Variants in SCN9A observed in about 807,000 individuals in gnomAD.
The protein encoded by SCN9A is sodium channel protein type 9 subunit alpha.
SCN9A carries 131 observed loss-of-function variants against 187.0 expected under a neutral mutation model. The ratio of observed to expected loss-of-function variants is 0.70; its 90% CI spans 0.61 to 0.81. The LOEUF (loss-of-function observed/expected upper bound fraction) is 0.81. Among genes scored for constraint, SCN9A ranks in the 30% least tolerant of loss-of-function variants. SCN9A has a pLI of 0.00. For missense variants in SCN9A, 2,252 were observed against 2,396.6 expected, an observed-to-expected ratio of 0.94 and a Z score of 1.26; for synonymous variants, 809 against 808.6, an observed-to-expected ratio of 1.00 and a Z score of -0.01.
At position 166,284,762 on chromosome 2, in the gene SCN9A, A is replaced by G. The variant is rs752038517; in HGVS notation, c.1665T>C (p.Phe555=). 3 of 1,613,770 alleles carry G rather than the reference A, an allele frequency of 1.9e-6. No homozygotes were observed. The highest frequency in any genetic ancestry group is 8.5e-7 in the Non-Finnish European group (1 of 1,179,862). The change falls in exon 12 of 27, where the codon TTT becomes TTC. Residue 555 remains phenylalanine (F), a synonymous_variant. Coordinates refer to ENST00000642356, the MANE Select transcript of SCN9A (RefSeq NM_001365536.1). ...TATCTCTTCCTCTGCCTTTGAAACTAAAAAGACTTGTTCTGCTGCTTCGCC... is the reference window on the plus strand; with the variant it reads ...TATCTCTTCCTCTGCCTTTGAAACTGAAAAGACTTGTTCTGCTGCTTCGCC... The part of the protein sequence containing the change: ...SARRSSRTSL[F]SFKGRGRDIG...
Position 166,344,966 on chromosome 2 carries a change from A to G in SCN9A, c.-51+30731T>C, listed in dbSNP as rs1265924658. 2.6e-5 allele frequency among the ~76,000 whole-genome samples: 4 copies of G among 152,316 alleles called. No individual in the cohort carries two copies. In the East Asian group the frequency reaches 7.7e-4, roughly 29 times the overall value. ...CAGAAGCTTTTTCTCGAGGAACTAA[A>G]TGGAAGCTTTGACTACATTTCAGAC... On this transcript the variant is annotated intron_variant, in intron 1 of 26. Transcript: ENST00000642356.
chr2:166,339,412 T>A (rs1329508828), intron 1 of SCN9A, among the ~76,000 whole-genome samples: 1 of 152,132 alleles, frequency 6.6e-6, no homozygotes, highest in Non-Finnish European at 1.5e-5. Context: ...AATTTTTAAT[T>A]TAGATCTTAC....
chr2:166,237,272 G>C (rs1194224268), intron 20 of SCN9A, among the ~76,000 whole-genome samples: 1 of 151,612 alleles, frequency 6.6e-6, no homozygotes, highest in African/African-American at 2.4e-5. Context: ...CTATTTGAGA[G>C]TCCTTGATCT....
intron 1 of SCN9A, among the ~76,000 whole-genome samples, chr2:166,361,422 C>A (rs1700282581): frequency 6.6e-6 from 1 of 152,006 alleles, no homozygotes; most frequent in Admixed American, 6.6e-5. Context: ...GACTACATTG[C>A]CTTCTACCAA....
intron 14 of SCN9A, 92 bp from the exon 15 acceptor site, chr2:166,278,405 G>A (rs1697333498): frequency 1.9e-6 from 2 of 1,051,766 alleles, no homozygotes; most frequent in African/African-American, 3.3e-5. Flanking sequence ...CATTTACTGT[G>A]TTCCAGACAG....
chr2:166,221,531 G>A lies in SCN9A; in HGVS notation c.4398+5036C>T, dbSNP rs568481386. Among the ~76,000 whole-genome samples, 143 of 152,148 alleles carry A rather than the reference G, an allele frequency of 9.4e-4. 1 individual carries two copies. In the Middle Eastern group the frequency reaches 0.01, roughly 11 times the overall value. On this transcript the variant is annotated intron_variant, in intron 24 of 26. Transcript: ENST00000642356. ...TCCTCCCACCTCAGGCTCCTAAGTA[G>A]CTAGGACTATAGGTGTGTGCCATCA...
chr2:166,367,437 AT>A (rs976397258), intron 1 of SCN9A, among the ~76,000 whole-genome samples: 2 of 150,888 alleles, frequency 1.3e-5, no homozygotes, highest in Admixed American at 6.6e-5. Flanking sequence ...TAGTTTTTGT[AT>A]TTTTTTTAGT....
intron 18 of SCN9A, among the ~76,000 whole-genome samples, chr2:166,249,909 C>A (rs1221772588): frequency 6.6e-6 from 1 of 152,008 alleles, no homozygotes; most frequent in East Asian, 1.9e-4. Context: ...AGCATCAATA[C>A]AAATTTAAGT....
In SCN9A at chr2:166,261,002, A is replaced by G. The variant is rs370572584; in HGVS notation, c.3352-9117T>C. Among the ~76,000 whole-genome samples the G allele has an allele frequency of 1.1e-4, 17 of 151,940 alleles. No homozygotes were observed. In the South Asian group the frequency reaches 2.9e-3, roughly 26 times the overall value. On this transcript the variant is annotated intron_variant, in intron 17 of 26. Coordinates refer to ENST00000642356, the MANE Select transcript of SCN9A (RefSeq NM_001365536.1). ...ATTTTCATATATATTTTCTAATTCA[A>G]TAAGTAAAAATTAACTTTTGTTTTT...
At chr2:166,340,013 G>A (rs990720334) in intron 1 of SCN9A, among the ~76,000 whole-genome samples, 2 of 152,126 alleles carry the variant, frequency 1.3e-5, no homozygotes, top group African/African-American at 2.4e-5. Flanking sequence ...CGGGTAGTCT[G>A]TTAGAAAGAG....
chr2:166,331,283 A>G (rs181734340), intron 1 of SCN9A, among the ~76,000 whole-genome samples: 66 of 152,258 alleles, frequency 4.3e-4, no homozygotes, highest in African/African-American at 1.6e-3. Context: ...AACTGAGTAT[A>G]GTGTGTGTAT....
chr2:166,259,894 A>G (rs1696434507), intron 17 of SCN9A, among the ~76,000 whole-genome samples: 1 of 150,990 alleles, frequency 6.6e-6, no homozygotes, highest in Non-Finnish European at 1.5e-5. Context: ...CAACCTGAAA[A>G]AAACAAATGG....
chr2:166,296,358 A>G (rs1698302089), intron 7 of SCN9A, among the ~76,000 whole-genome samples: 1 of 152,208 alleles, frequency 6.6e-6, no homozygotes, highest in East Asian at 1.9e-4. Context: ...ATTACACATC[A>G]TCATTTTATC....
chr2:166,211,989 T>G (rs760942033), intron 24 of SCN9A, among the ~76,000 whole-genome samples: 7 of 152,206 alleles, frequency 4.6e-5, no homozygotes, highest in Non-Finnish European at 7.3e-5. Context: ...CTGCATAGAT[T>G]TATGAAAACA....
At chr2:166,343,555 G>C (rs1699834043) in intron 1 of SCN9A, among the ~76,000 whole-genome samples, 1 of 151,984 alleles carries the variant, frequency 6.6e-6, no homozygotes, top group Non-Finnish European at 1.5e-5. Context: ...TTTTTTTCTT[G>C]TTGCATGTGA....
At chr2:166,258,713 TA>T (rs1187827087) in intron 17 of SCN9A, among the ~76,000 whole-genome samples, 1 of 151,680 alleles carries the variant, frequency 6.6e-6, no homozygotes, top group Non-Finnish European at 1.5e-5. Flanking sequence ...CCAGAATTAT[TA>T]AATACAAAGC....
At chr2:166,277,468 A>G (rs1697287619) in intron 15 of SCN9A, 129 bp from the exon 16 acceptor site, 2 of 600,782 alleles carry the variant, frequency 3.3e-6, no homozygotes, top group Admixed American at 6.2e-5. Flanking sequence ...TCCAGCTAAA[A>G]TATTCTTATT....
At chr2:166,332,073 C>T (rs550141100) in intron 1 of SCN9A, among the ~76,000 whole-genome samples, 2 of 152,166 alleles carry the variant, frequency 1.3e-5, no homozygotes, top group African/African-American at 4.8e-5. Flanking sequence ...GTGGTGAGGC[C>T]ATCATCTCCT....
chr2:166,209,335 G>C (rs1693967398), intron 24 of SCN9A, among the ~76,000 whole-genome samples: 1 of 152,170 alleles, frequency 6.6e-6, no homozygotes, highest in South Asian at 2.1e-4. Context: ...TAAAGAAATA[G>C]AGATTTATAA....
Sources: allele counts gnomAD v4.1 joint callset (sites outside exome capture counted in the v4.1 genomes callset), GRCh38; gene constraint gnomAD v4.1.1; transcripts MANE v1.5; gene names NCBI Gene and HGNC (gene_info 2026-07-23, HGNC 2026-07-21).